The following RYK variants were observed in gnomAD, a reference collection of about 807,000 sequenced individuals.
RYK encodes the protein receptor like tyrosine kinase, also known as inactive tyrosine-protein kinase RYK.
RYK carries 21 observed loss-of-function variants against 70.2 expected under a neutral mutation model. That is an observed-to-expected ratio of 0.30 (90% CI 0.21 to 0.43). The LOEUF is 0.43. Ranked by LOEUF, RYK falls within the 20% of genes least tolerant of loss-of-function variation. The pLI is 1.00. For missense variants in RYK, 604 were observed against 753.3 expected (o/e 0.80, Z 2.32); for synonymous variants, 267 against 278.0 (o/e 0.96, Z 0.39).
chr3:134,188,763 A>C (rs901379068), intron 9 of RYK, 74 bp downstream of exon 9: 4 of 859,644 alleles, frequency 4.7e-6, no homozygotes, highest in African/African-American at 3.4e-5. Flanking sequence ...TGGGAAACTG[A>C]GACAGAATTT....
At chr3:134,192,679 G>A (rs1020037148) in intron 7 of RYK, among the ~76,000 whole-genome samples, 4 of 152,078 alleles carry the variant, frequency 2.6e-5, no homozygotes, top group Non-Finnish European at 5.9e-5. Context: ...GGAAAATCTG[G>A]CTTTAGCAAG....
intron 13 of RYK, among the ~76,000 whole-genome samples, chr3:134,165,629 C>T (rs1247659750): frequency 6.6e-6 from 1 of 152,148 alleles, no homozygotes; most frequent in African/African-American, 2.4e-5. Context: ...CAAACAGCCA[C>T]TGAGGTACGT....
chr3:134,220,113 T>C (rs917281272), intron 2 of RYK, among the ~76,000 whole-genome samples: 1 of 152,158 alleles, frequency 6.6e-6, no homozygotes, highest in African/African-American at 2.4e-5. Flanking sequence ...CTGAATCTAA[T>C]CATGAAGAAA....
rs372446023 is a variant in RYK, at chr3:134,212,381, G to A, written c.355-774C>T. On this transcript the variant is annotated intron_variant, in intron 2 of 14. Coordinates refer to ENST00000623711, the MANE Select transcript of RYK (RefSeq NM_002958.4). ...GCAATAGCTGAAATTCAGAATGGCTGCCAGCATCAAGACTTTCAATGAAGC... is the reference window on the plus strand; with the variant it reads ...GCAATAGCTGAAATTCAGAATGGCTACCAGCATCAAGACTTTCAATGAAGC... 8.5e-5 allele frequency among the ~76,000 whole-genome samples: 13 copies of A among 152,342 alleles called. No homozygotes were observed. In the East Asian group the frequency reaches 1.2e-3, roughly 14 times the overall value.
intron 6 of RYK, chr3:134,195,401 T>C (rs1479669787): frequency 2.4e-5 from 10 of 421,536 alleles, no homozygotes; most frequent in Non-Finnish European, 3.8e-5. Flanking sequence ...AGCGAGTTCA[T>C]CTTATCAAAA....
chr3:134,172,511 T>C (rs769120645), intron 13 of RYK, among the ~76,000 whole-genome samples: 5 of 152,196 alleles, frequency 3.3e-5, no homozygotes, highest in Non-Finnish European at 5.9e-5. Flanking sequence ...AAAAACATTA[T>C]CAAAGAGTAG....
chr3:134,184,987 TAGC>T (rs944111517), intron 9 of RYK, among the ~76,000 whole-genome samples: 1 of 139,046 alleles, frequency 7.2e-6, no homozygotes, highest in African/African-American at 2.7e-5. Context: ...AAAAAAAAAT[TAGC>T]AGGGTGTGGT....
chr3:134,164,913 T>C (rs2108141834), intron 13 of RYK, among the ~76,000 whole-genome samples: 1 of 152,344 alleles, frequency 6.6e-6, no homozygotes, highest in East Asian at 1.9e-4. Context: ...GTCAGACTTT[T>C]CAATTTTAGC....
intron 1 of RYK, among the ~76,000 whole-genome samples, chr3:134,230,734 A>G (rs547071568): frequency 5.3e-5 from 8 of 152,324 alleles, no homozygotes; most frequent in African/African-American, 1.9e-4. Context: ...GAAATGTCCT[A>G]TATCTTGGTT....
intron 10 of RYK, among the ~76,000 whole-genome samples, chr3:134,182,383 C>A (rs1292440165): frequency 1.3e-5 from 2 of 152,044 alleles, no homozygotes; most frequent in East Asian, 1.9e-4. Flanking sequence ...TCAAAGACAA[C>A]AGTGATATTA....
intron 1 of RYK, among the ~76,000 whole-genome samples, chr3:134,222,992 C>T (rs1198499095): frequency 6.6e-6 from 1 of 152,198 alleles, no homozygotes. Context: ...AGCCTCCAGC[C>T]AGAGATGACC....
At chr3:134,220,774 A>T (rs927295761) in intron 2 of RYK, among the ~76,000 whole-genome samples, 3 of 152,220 alleles carry the variant, frequency 2.0e-5, no homozygotes, top group African/African-American at 7.2e-5. Context: ...TAAATAAAAG[A>T]AATAGCAAAG....
intron 1 of RYK, among the ~76,000 whole-genome samples, chr3:134,231,480 T>G (rs1458686289): frequency 6.6e-6 from 1 of 152,196 alleles, no homozygotes; most frequent in Non-Finnish European, 1.5e-5. Flanking sequence ...TCACAACATT[T>G]CAACTGAAGA....
chr3:134,249,497 G>A (rs1221797745), intron 1 of RYK, among the ~76,000 whole-genome samples: 22 of 152,132 alleles, frequency 1.4e-4, no homozygotes, highest in Admixed American at 1.4e-3. Flanking sequence ...GAATGCAAAC[G>A]TCTAGGTACC....
chr3:134,173,681 G>A (rs78565790), intron 13 of RYK, among the ~76,000 whole-genome samples: 5,907 of 152,190 alleles, frequency 0.039, 623 homozygotes, highest in East Asian at 0.3. Context: ...CGCCCTTGAC[G>A]TGGGGATTAT....
chr3:134,169,708 A>G (rs1364123501), intron 13 of RYK, among the ~76,000 whole-genome samples: 1 of 152,244 alleles, frequency 6.6e-6, no homozygotes, highest in African/African-American at 2.4e-5. Context: ...TAAATCGTGT[A>G]GAATTTTTAA....
Position 134,250,665 on chromosome 3 carries a change from G to C in RYK, c.-11C>G. On this transcript the variant is annotated 5_prime_UTR_variant, in exon 1 of 15. Coordinates refer to ENST00000623711, the MANE Select transcript of RYK (RefSeq NM_002958.4). ...CGCCGCCCCACGCATGGCCGCCGCC[G>C]CCGCCGCCGAAGAGGAGCGTCGGCC... 1 of 979,856 alleles carries C rather than the reference G, an allele frequency of 1.0e-6. No individual in the cohort carries two copies. The highest frequency in any genetic ancestry group is 1.2e-6 in the Non-Finnish European group (1 of 827,212). 60.7% of individuals were successfully genotyped at this position (979,856 alleles called of 1,614,324 possible). A position where few individuals can be genotyped will look rare whatever the true frequency, so the allele number is the denominator to read the frequency against.
At chr3:134,224,344 G>A (rs1259385480) in intron 1 of RYK, among the ~76,000 whole-genome samples, 1 of 152,160 alleles carries the variant, frequency 6.6e-6, no homozygotes, top group Non-Finnish European at 1.5e-5. Flanking sequence ...TGGAGAGAGA[G>A]AGGGGGCAGC....
At chr3:134,159,203 T>C in intron 14 of RYK, 34 bp downstream of exon 14, 1 of 1,610,480 alleles carries the variant, frequency 6.2e-7, no homozygotes, top group Non-Finnish European at 8.5e-7. Context: ...GTAAATGGAA[T>C]AAAACTCATG....
Sources: allele counts gnomAD v4.1 joint callset (sites outside exome capture counted in the v4.1 genomes callset), GRCh38; gene constraint gnomAD v4.1.1; transcripts MANE v1.5; gene names NCBI Gene and HGNC (gene_info 2026-07-23, HGNC 2026-07-21).